The following ATXN7L1 variants were observed in gnomAD, a reference collection of about 807,000 sequenced individuals.
ATXN7L1 encodes the protein ataxin-7-like protein 1.
ATXN7L1 carries 15 observed loss-of-function variants against 70.8 expected under a neutral mutation model. The ratio of observed to expected loss-of-function variants is 0.21; its 90% CI spans 0.14 to 0.33. The LOEUF is 0.33. Ranked by LOEUF, ATXN7L1 falls within the 10% of genes least tolerant of loss-of-function variation. The pLI is 1.00. For missense variants in ATXN7L1, 975 were observed against 1,097.1 expected (o/e 0.89, Z 1.57); for synonymous variants, 440 against 445.1 (o/e 0.99, Z 0.14).
chr7:105,622,056 T>C (rs1470097430), intron 8 of ATXN7L1, among the ~76,000 whole-genome samples: 1 of 152,198 alleles, frequency 6.6e-6, no homozygotes, highest in Non-Finnish European at 1.5e-5. Flanking sequence ...GTGGGAGCTG[T>C]TCCAGGTCTA....
At position 105,819,480 on chromosome 7, in the gene ATXN7L1, G is replaced by A. The variant is rs1809744085; in HGVS notation, c.251-30772C>T. 3 of 801,632 alleles carry A rather than the reference G, an allele frequency of 3.7e-6. No homozygotes were observed. The South Asian group carries it at 4.0e-5, about 11-fold the overall frequency. 49.7% of individuals were successfully genotyped at this position (801,632 alleles called of 1,614,324 possible). On this transcript the variant is annotated intron_variant, in intron 2 of 11. Coordinates refer to ENST00000419735, the MANE Select transcript of ATXN7L1 (RefSeq NM_020725.2). ...AAAAAAAAGAGTGTCCTTTCCCAGG[G>A]GGCTGCTGAAGATGGCGGAGGGGCA...
chr7:105,811,096 T>C (rs1808363633), intron 2 of ATXN7L1, among the ~76,000 whole-genome samples: 1 of 152,210 alleles, frequency 6.6e-6, no homozygotes, highest in Non-Finnish European at 1.5e-5. Context: ...TACTTGTGAA[T>C]GTGGTCTTAT....
chr7:105,781,402 A>T (rs1209432008), intron 3 of ATXN7L1, among the ~76,000 whole-genome samples: 1 of 152,216 alleles, frequency 6.6e-6, no homozygotes, highest in East Asian at 1.9e-4. Context: ...ACTAAAAAGT[A>T]ATAAAAAATT....
At chr7:105,708,357 C>A (rs1176679970) in intron 3 of ATXN7L1, among the ~76,000 whole-genome samples, 1 of 152,208 alleles carries the variant, frequency 6.6e-6, no homozygotes, top group Non-Finnish European at 1.5e-5. Context: ...CCACATTTGG[C>A]TCTTGTTCCT....
chr7:105,619,544 T>TACA (rs1794619846), intron 9 of ATXN7L1, among the ~76,000 whole-genome samples: 1 of 14,108 alleles, frequency 7.1e-5, no homozygotes, highest in Non-Finnish European at 1.6e-4. Flanking sequence ...TTTTTTTTTT[T>TACA]TTTTTTTTTT....
chr7:105,608,532 G>A (rs554129977), intron 11 of ATXN7L1, among the ~76,000 whole-genome samples: 4 of 152,230 alleles, frequency 2.6e-5, no homozygotes, highest in East Asian at 1.9e-4. Flanking sequence ...AGGTGTACCC[G>A]GAGCTATGGG....
At chr7:105,645,006 A>G (rs1187494505) in intron 4 of ATXN7L1, among the ~76,000 whole-genome samples, 1 of 152,188 alleles carries the variant, frequency 6.6e-6, no homozygotes, top group Non-Finnish European at 1.5e-5. Context: ...AAAGACAAAT[A>G]CTGTATAATT....
At chr7:105,669,068 A>G (rs1562978167) in intron 3 of ATXN7L1, among the ~76,000 whole-genome samples, 2 of 151,960 alleles carry the variant, frequency 1.3e-5, no homozygotes, top group Admixed American at 6.6e-5. Flanking sequence ...GTATCAGTGG[A>G]TAAGCTTTTT....
intron 2 of ATXN7L1, among the ~76,000 whole-genome samples, chr7:105,816,335 TGA>T (rs1809191630): frequency 6.6e-6 from 1 of 152,190 alleles, no homozygotes; most frequent in Admixed American, 6.5e-5. Flanking sequence ...TAGAAAACTC[TGA>T]GAGAAAACAA....
intron 3 of ATXN7L1, among the ~76,000 whole-genome samples, chr7:105,682,439 G>C (rs1805664107): frequency 6.6e-6 from 1 of 152,106 alleles, no homozygotes; most frequent in South Asian, 2.1e-4. Context: ...TATATCCAAA[G>C]GAATTGAAAA....
intron 3 of ATXN7L1, among the ~76,000 whole-genome samples, chr7:105,756,895 T>C (rs531602742): frequency 3.9e-5 from 6 of 152,254 alleles, no homozygotes; most frequent in Non-Finnish European, 8.8e-5. Context: ...AATAAATGAA[T>C]AGTGTTATAC....
At chr7:105,776,493 AC>A (rs33932326) in intron 3 of ATXN7L1, among the ~76,000 whole-genome samples, 60,309 of 143,744 alleles carry the variant, frequency 0.42, 13,637 homozygotes, top group African/African-American at 0.62. Flanking sequence ...CAAACAAACA[AC>A]CCCCCCCCCA....
At chr7:105,621,979 C>T (rs1427436575) in intron 8 of ATXN7L1, among the ~76,000 whole-genome samples, 3 of 152,200 alleles carry the variant, frequency 2.0e-5, no homozygotes, top group Non-Finnish European at 4.4e-5. Flanking sequence ...ATGTTAAGTG[C>T]TTACTGACCA....
chr7:105,788,778 T>C (rs573216553), intron 2 of ATXN7L1, 70 bp from the exon 3 acceptor site: 13 of 1,247,872 alleles, frequency 1.0e-5, no homozygotes, highest in Non-Finnish European at 1.5e-5. Flanking sequence ...CAGTTTCCTC[T>C]TGGAATTTCT....
At chr7:105,845,141 G>A (rs1198278614) in intron 2 of ATXN7L1, among the ~76,000 whole-genome samples, 1 of 138,414 alleles carries the variant, frequency 7.2e-6, no homozygotes, top group Non-Finnish European at 1.5e-5. Flanking sequence ...GGAGGCGGAG[G>A]TTGCAGTGAG....
At chr7:105,699,463 T>A (rs113604507) in intron 3 of ATXN7L1, among the ~76,000 whole-genome samples, 4 of 152,320 alleles carry the variant, frequency 2.6e-5, no homozygotes, top group African/African-American at 7.2e-5. Context: ...TTAAGTGGTA[T>A]ACTTTGAATG....
At position 105,722,560 on chromosome 7, in the gene ATXN7L1, TAAAAAAAAAAAAA is replaced by T. The variant is rs56228890; in HGVS notation, c.356-57285_356-57273del. 7.7e-3 allele frequency among the ~76,000 whole-genome samples: 161 copies of T among 20,822 alleles called. 3 individuals carry two copies. Among genetic ancestry groups the T allele is most frequent in the African/African-American group, 0.018 (131 of 7,162 alleles). The allele number at this position is 20,822 out of a possible 152,430, so 13.7% of individuals were successfully genotyped here. ...TGGGCAACAGAGTGAGACTCTGCCT[TAAAAAAAAAAAAA>T]AAAAAAAAAAAAAAAAAAAAAAAAA... On this transcript the variant is annotated intron_variant, in intron 3 of 11. Transcript: ENST00000419735.
intron 3 of ATXN7L1, among the ~76,000 whole-genome samples, chr7:105,736,761 C>T (rs1359411115): frequency 6.6e-6 from 1 of 152,236 alleles, no homozygotes; most frequent in Non-Finnish European, 1.5e-5. Context: ...AAATCAGGAT[C>T]TCTGGGAGTG....
chr7:105,715,554 T>C (rs1794440059), intron 3 of ATXN7L1, among the ~76,000 whole-genome samples: 2 of 152,244 alleles, frequency 1.3e-5, no homozygotes, highest in South Asian at 4.1e-4. Flanking sequence ...ATAACTGGAG[T>C]AGTATGCTAT....
Sources: allele counts gnomAD v4.1 joint callset (sites outside exome capture counted in the v4.1 genomes callset), GRCh38; gene constraint gnomAD v4.1.1; transcripts MANE v1.5; gene names NCBI Gene and HGNC (gene_info 2026-07-23, HGNC 2026-07-21).